The following DLGAP1 variants were observed in gnomAD, a reference collection of about 807,000 sequenced individuals.
DLGAP1 encodes DLG associated protein 1.
Under a neutral mutation model 90.8 loss-of-function variants are expected in DLGAP1, and 11 were observed. The observed-to-expected ratio is 0.12, with a 90% CI of 0.08 to 0.20. The LOEUF is 0.20. DLGAP1 is among the 10% of genes least tolerant of loss of function. The pLI is 1.00. For missense variants in DLGAP1, 1,050 were observed against 1,333.8 expected (o/e 0.79, Z 3.31); for synonymous variants, 558 against 540.7 (o/e 1.03, Z -0.44).
chr18:3,923,467 C>G (rs895215923), intron 3 of DLGAP1, among the ~76,000 whole-genome samples: 10 of 151,972 alleles, frequency 6.6e-5, no homozygotes, highest in African/African-American at 2.4e-4. Context: ...AATTCATTGG[C>G]TTTATGGGAA....
intron 3 of DLGAP1, among the ~76,000 whole-genome samples, chr18:3,990,589 A>T (rs1055210817): frequency 6.6e-6 from 1 of 150,738 alleles, no homozygotes. Context: ...CATATGTAAC[A>T]AACCTGCACG....
At chr18:3,633,142 A>T (rs986691578) in intron 7 of DLGAP1, among the ~76,000 whole-genome samples, 12 of 152,228 alleles carry the variant, frequency 7.9e-5, no homozygotes, top group Admixed American at 4.6e-4. Flanking sequence ...TCATGCCTGT[A>T]ATCCCAGCAC....
chr18:4,249,776 CG>C (rs2078740658), intron 1 of DLGAP1, among the ~76,000 whole-genome samples: 1 of 152,030 alleles, frequency 6.6e-6, no homozygotes, highest in Non-Finnish European at 1.5e-5. Flanking sequence ...TCTGTAGAGA[CG>C]GGGGTCTCAC....
chr18:3,721,348 T>C (rs562416830), intron 7 of DLGAP1, among the ~76,000 whole-genome samples: 1 of 152,300 alleles, frequency 6.6e-6, no homozygotes, highest in East Asian at 1.9e-4. Flanking sequence ...AAAATTATTT[T>C]CTCCATTTAG....
In DLGAP1 at chr18:3,845,258, T is replaced by C. The variant is rs765654040; in HGVS notation, c.958-30985A>G. On this transcript the variant is annotated intron_variant, in intron 4 of 12. Coordinates refer to ENST00000315677, the MANE Select transcript of DLGAP1 (RefSeq NM_004746.4). ...TTATTAGCTGGAATGCCAAACAGAA[T>C]GTCTTTATGGAAAATTAAGTTCATT... The C allele has an allele frequency of 1.9e-6, 3 of 1,613,068 alleles. No individual in the cohort carries two copies. The South Asian group carries it at 3.3e-5, about 18-fold the overall frequency.
At chr18:3,857,367 GC>G (rs2069714736) in intron 4 of DLGAP1, among the ~76,000 whole-genome samples, 1 of 152,098 alleles carries the variant, frequency 6.6e-6, no homozygotes, top group Non-Finnish European at 1.5e-5. Flanking sequence ...GAATATTCTA[GC>G]CATGGTGTAT....
intron 1 of DLGAP1, among the ~76,000 whole-genome samples, chr18:4,381,018 T>C (rs1351564660): frequency 1.3e-5 from 2 of 152,214 alleles, no homozygotes; most frequent in Non-Finnish European, 2.9e-5. Context: ...ACTCATTTAA[T>C]TTATTTCCAA....
chr18:3,966,740 T>C (rs145267573), intron 3 of DLGAP1, among the ~76,000 whole-genome samples: 2 of 152,232 alleles, frequency 1.3e-5, no homozygotes, highest in East Asian at 3.9e-4. Flanking sequence ...ACCTGTTACA[T>C]TGGAGATGTT....
chr18:4,249,620 C>A (rs1264873815), intron 1 of DLGAP1, among the ~76,000 whole-genome samples: 1 of 152,126 alleles, frequency 6.6e-6, no homozygotes, highest in Non-Finnish European at 1.5e-5. Flanking sequence ...CAGGGTCTCA[C>A]TCAATTGCCT....
intron 7 of DLGAP1, among the ~76,000 whole-genome samples, chr18:3,636,051 CT>C (rs1216122915): frequency 6.6e-6 from 1 of 151,446 alleles, no homozygotes; most frequent in Non-Finnish European, 1.5e-5. Flanking sequence ...TCTTCTGCCT[CT>C]TCCTATTCTC....
chr18:3,786,925 C>T (rs1421323084), intron 5 of DLGAP1, among the ~76,000 whole-genome samples: 1 of 151,982 alleles, frequency 6.6e-6, no homozygotes, highest in Non-Finnish European at 1.5e-5. Flanking sequence ...GGAACCACAA[C>T]CTAATAGAGA....
intron 4 of DLGAP1, among the ~76,000 whole-genome samples, chr18:3,865,281 A>G (rs1432406377): frequency 1.3e-5 from 2 of 152,234 alleles, no homozygotes; most frequent in African/African-American, 4.8e-5. Flanking sequence ...TTATAACTAC[A>G]ATTAGGCTGG....
At chr18:4,190,014 G>A (rs1051340800) in intron 1 of DLGAP1, among the ~76,000 whole-genome samples, 4 of 152,082 alleles carry the variant, frequency 2.6e-5, no homozygotes, top group African/African-American at 9.7e-5. Context: ...TCAAAGGCTT[G>A]TGATAACATA....
chr18:4,211,908 T>C (rs1387185349), intron 1 of DLGAP1, among the ~76,000 whole-genome samples: 2 of 152,184 alleles, frequency 1.3e-5, no homozygotes, highest in Admixed American at 6.6e-5. Context: ...CTTTTGCAGC[T>C]TGTTTGCCAA....
chr18:4,080,832 T>G (rs1469135555), intron 2 of DLGAP1, among the ~76,000 whole-genome samples: 1 of 152,040 alleles, frequency 6.6e-6, no homozygotes, highest in Non-Finnish European at 1.5e-5. Flanking sequence ...CTGAGCCCCA[T>G]GAGGGGAATT....
chr18:4,329,964 G>T (rs1036834269), intron 1 of DLGAP1, among the ~76,000 whole-genome samples: 1 of 151,824 alleles, frequency 6.6e-6, no homozygotes, highest in African/African-American at 2.4e-5. Flanking sequence ...TTTTGCCTGA[G>T]TGTTTCATAG....
intron 4 of DLGAP1, among the ~76,000 whole-genome samples, chr18:3,840,068 C>A (rs1055781991): frequency 6.6e-6 from 1 of 152,246 alleles, no homozygotes; most frequent in African/African-American, 2.4e-5. Context: ...ATTCCTCTGA[C>A]CACGTATTTA....
chr18:4,283,894 C>A (rs1331004699), intron 1 of DLGAP1, among the ~76,000 whole-genome samples: 1 of 152,060 alleles, frequency 6.6e-6, no homozygotes, highest in Non-Finnish European at 1.5e-5. Flanking sequence ...TTGTCTCATC[C>A]AAGAAATCCA....
chr18:3,997,654 C>T (rs867778237), intron 3 of DLGAP1, among the ~76,000 whole-genome samples: 2 of 151,154 alleles, frequency 1.3e-5, no homozygotes, highest in Middle Eastern at 3.2e-3. Flanking sequence ...ATATGAGCCA[C>T]AAATATAATT....
Sources: gnomAD v4.1 joint callset for allele counts (sites outside exome capture counted in the v4.1 genomes callset) on GRCh38, gnomAD v4.1.1 for gene constraint, MANE v1.5 for transcripts, NCBI Gene and HGNC (gene_info 2026-07-23, HGNC 2026-07-21) for gene names.